CATSPERG: variants seen among roughly 807,000 people sequenced by gnomAD.
CATSPERG encodes cation channel sperm-associated auxiliary subunit gamma.
In CATSPERG, 115 loss-of-function variants were observed where a neutral mutation model predicts 145.0. The observed-to-expected ratio is 0.79, with a 90% confidence interval of 0.68 to 0.93. The LOEUF (loss-of-function observed/expected upper bound fraction) is 0.93, where lower values mean the gene tolerates loss of function less well. Ranked by LOEUF, CATSPERG falls within the 40% of genes least tolerant of loss-of-function variation. The pLI is 0.00. For synonymous variants in CATSPERG, 588 were observed against 589.0 expected (o/e 1.00, Z 0.02); for missense variants, 1,296 against 1,490.1 (o/e 0.87, Z 2.14).
intron 13 of CATSPERG, among the ~76,000 whole-genome samples, chr19:38,359,126 A>T (rs1298053618): frequency 1.3e-5 from 2 of 152,060 alleles, no homozygotes; most frequent in Non-Finnish European, 2.9e-5. Context: ...CTGGGATTAC[A>T]GGTGTGAACC....
In CATSPERG at chr19:38,356,788, T is replaced by C. The variant is rs778033446; in HGVS notation, c.1242T>C (p.Tyr414=). 5.6e-6 allele frequency: 9 copies of C among 1,614,170 alleles called. 1 individual carries two copies. In the South Asian group the frequency reaches 9.9e-5, roughly 18 times the overall value. Residue 414 remains tyrosine, a synonymous_variant, in exon 11 of 29, where the codon TAT becomes TAC. Coordinates refer to ENST00000409235, the MANE Select transcript of CATSPERG (RefSeq NM_021185.5). The part of the protein sequence containing the change: ...IIWSEYIAGE[Y]TLLLLVESGY... ...GGTCTGAATACATCGCGGGTGAGTA[T>C]ACTCTACTGCTGCTGGTGGAGAGTG...
chr19:38,342,388 T>C (rs1258368912), intron 3 of CATSPERG, among the ~76,000 whole-genome samples: 1 of 151,224 alleles, frequency 6.6e-6, no homozygotes, highest in East Asian at 1.9e-4. Context: ...TCAGTTGAGG[T>C]CAGGAGTTTG....
chr19:38,367,788 G>C lies in CATSPERG; in HGVS notation c.2930+12G>C. ...AGCCCCCTGGACAAGTAATCCCCGT[G>C]GGGTCCCACGTGTAATCCACCTTGC... On this transcript the variant is annotated intron_variant, in intron 25 of 28. Transcript: ENST00000409235. 1 of 1,611,570 alleles carries C rather than the reference G, an allele frequency of 6.2e-7. No individual in the cohort carries two copies. The highest frequency in any genetic ancestry group is 8.5e-7 in the Non-Finnish European group (1 of 1,177,846).
chr19:38,340,572 G>A (rs995086211), intron 3 of CATSPERG, among the ~76,000 whole-genome samples: 3 of 151,450 alleles, frequency 2.0e-5, no homozygotes, highest in Non-Finnish European at 2.9e-5. Context: ...CACCTGCCTC[G>A]GCCTCCCAAA....
Position 38,367,202 on chromosome 19 carries a change from G to T in CATSPERG, c.2660G>T (p.Arg887Leu). The change falls in exon 23 of 29, where the codon CGC becomes CTC. Residue 887 changes from arginine (R) to leucine (L), a missense_variant. Coordinates refer to ENST00000409235, the MANE Select transcript of CATSPERG (RefSeq NM_021185.5). ...PVFIGCPPGKRLAFDITYTLE... is the reference protein window; with the variant it reads ...PVFIGCPPGKLLAFDITYTLE... ...TTCATTGGCTGCCCCCCAGGCAAGCGCCTGGCCTTCGACATCACCTACACG... is the reference window on the plus strand; with the variant it reads ...TTCATTGGCTGCCCCCCAGGCAAGCTCCTGGCCTTCGACATCACCTACACG... 6.2e-7 allele frequency: 1 copy of T among 1,613,754 alleles called. No individual in the cohort carries two copies. The highest frequency in any genetic ancestry group is 8.5e-7 in the Non-Finnish European group (1 of 1,179,952).
chr19:38,344,031 T>C lies in CATSPERG; in HGVS notation c.508T>C (p.Tyr170His). Residue 170 changes from tyrosine to histidine, a missense_variant, in exon 5 of 29, where the codon TAC becomes CAC. Tyr to His is a moderately conservative substitution (Grantham distance 83). Transcript: ENST00000409235. ...MAEEVCSMSWYTPMPIKKGSV... is the reference protein window; with the variant it reads ...MAEEVCSMSWHTPMPIKKGSV... ...AGAAGAAGTGTGTAGCATGAGCTGGTACACGCCCATGCCCATCAAGAAAGG... is the reference window on the plus strand; with the variant it reads ...AGAAGAAGTGTGTAGCATGAGCTGGCACACGCCCATGCCCATCAAGAAAGG... 1 of 1,551,420 alleles carries C rather than the reference T, an allele frequency of 6.4e-7. No individual in the cohort carries two copies. The highest frequency in any genetic ancestry group is 8.7e-7 in the Non-Finnish European group (1 of 1,146,942).
At chr19:38,367,935 TA>T (rs1970483141) in intron 25 of CATSPERG, 112 bp from the exon 26 acceptor site, 1 of 1,167,728 alleles carries the variant, frequency 8.6e-7, no homozygotes, top group Non-Finnish European at 1.3e-6. Context: ...TGCCCGCCCC[TA>T]ACACCATGTC....
At chr19:38,338,377 T>C (rs2145057912) in intron 3 of CATSPERG, among the ~76,000 whole-genome samples, 1 of 151,926 alleles carries the variant, frequency 6.6e-6, no homozygotes, top group African/African-American at 2.4e-5. Context: ...CTCGATCTCC[T>C]GACCTCGTGA....
chr19:38,367,995 C>T, intron 25 of CATSPERG, 53 bp from the exon 26 acceptor site: 4 of 1,532,820 alleles, frequency 2.6e-6, no homozygotes, highest in South Asian at 2.2e-5. Context: ...TGAGGTCATA[C>T]CTCCCCTACA....
intron 22 of CATSPERG, 139 bp downstream of exon 22, chr19:38,365,256 C>T (rs929172737): frequency 1.5e-6 from 1 of 681,260 alleles, no homozygotes; most frequent in South Asian, 1.8e-5. Flanking sequence ...ATCCACCCAC[C>T]CACTACCACC....
chr19:38,358,391 C>T, intron 12 of CATSPERG, 41 bp from the exon 13 acceptor site: 1 of 1,614,094 alleles, frequency 6.2e-7, no homozygotes, highest in Non-Finnish European at 8.5e-7. Context: ...CCAGGTGACT[C>T]CACTTCACTG....
chr19:38,342,281 ACT>A (rs1969952075), intron 3 of CATSPERG, among the ~76,000 whole-genome samples: 1 of 151,550 alleles, frequency 6.6e-6, no homozygotes. Flanking sequence ...AACAGAGTAG[ACT>A]CTGTCTCTAC....
In CATSPERG at chr19:38,364,885, C is replaced by T; in HGVS notation, c.2476-6C>T. The T allele has an allele frequency of 1.2e-6, 2 of 1,612,146 alleles. No homozygotes were observed. The highest frequency in any genetic ancestry group is 1.7e-6 in the Non-Finnish European group (2 of 1,178,144). ...CATTTCTGCCTCTCCCCTCCTTCAA[C>T]CCCAGATTACGCTCAAGGATAAAAA... On this transcript the variant is annotated splice_polypyrimidine_tract_variant and splice_region_variant and intron_variant, in intron 20 of 28. Transcript: ENST00000409235.
At chr19:38,361,254 G>A (rs573009140) in intron 16 of CATSPERG, among the ~76,000 whole-genome samples, 8 of 152,130 alleles carry the variant, frequency 5.3e-5, no homozygotes, top group Admixed American at 1.3e-4. Context: ...AAGGACTGCA[G>A]GATCGGATTT....
intron 3 of CATSPERG, among the ~76,000 whole-genome samples, chr19:38,341,015 G>A (rs768882842): frequency 5.9e-5 from 9 of 152,168 alleles, no homozygotes; most frequent in East Asian, 1.9e-4. Context: ...TTTCCAGGCC[G>A]AGGGAAGAGC....
chr19:38,367,808 C>A, intron 25 of CATSPERG, 32 bp downstream of exon 25: 1 of 1,591,560 alleles, frequency 6.3e-7, no homozygotes, highest in Non-Finnish European at 8.6e-7. Flanking sequence ...GTGTAATCCA[C>A]CTTGCTTCCC....
In CATSPERG at chr19:38,367,438, C is replaced by T; in HGVS notation, c.2771-71C>T. 2.6e-6 allele frequency: 4 copies of T among 1,568,230 alleles called. No homozygotes were observed. In the South Asian group the frequency reaches 3.5e-5, roughly 14 times the overall value. ...TTTTCCTGCGGCATCTCACTTTCCCCCGTCTCGGTCCTCAGCTTCTCGGGC... is the reference window on the plus strand; with the variant it reads ...TTTTCCTGCGGCATCTCACTTTCCCTCGTCTCGGTCCTCAGCTTCTCGGGC... On this transcript the variant is annotated intron_variant, in intron 23 of 28. Coordinates refer to ENST00000409235, the MANE Select transcript of CATSPERG (RefSeq NM_021185.5).
chr19:38,337,113 G>C, intron 1 of CATSPERG, 108 bp from the exon 2 acceptor site: 1 of 1,335,766 alleles, frequency 7.5e-7, no homozygotes, highest in Non-Finnish European at 1.0e-6. Flanking sequence ...AAGAGCCGGG[G>C]CGTGGCCAGG....
In CATSPERG at chr19:38,364,874, C is replaced by T; in HGVS notation, c.2476-17C>T. On this transcript the variant is annotated splice_polypyrimidine_tract_variant and intron_variant, in intron 20 of 28. Coordinates refer to ENST00000409235, the MANE Select transcript of CATSPERG (RefSeq NM_021185.5). ...GTTCACCCCTTCATTTCTGCCTCTC[C>T]CCTCCTTCAACCCCAGATTACGCTC... The T allele has an allele frequency of 1.2e-6, 2 of 1,603,966 alleles. No individual in the cohort carries two copies. Among genetic ancestry groups the T allele is most frequent in the Non-Finnish European group, 1.7e-6 (2 of 1,170,676 alleles).
Sources: gnomAD v4.1 joint callset for allele counts (sites outside exome capture counted in the v4.1 genomes callset) on GRCh38, gnomAD v4.1.1 for gene constraint, MANE v1.5 for transcripts, NCBI Gene and HGNC (gene_info 2026-07-23, HGNC 2026-07-21) for gene names.